DPYD: variants seen among roughly 807,000 people sequenced by gnomAD.
The protein encoded by DPYD is dihydropyrimidine dehydrogenase [NADP(+)].
A neutral mutation model predicts 116.2 loss-of-function variants in DPYD; 109 were observed. The ratio of observed to expected loss-of-function variants is 0.94; its 90% CI spans 0.80 to 1.10. DPYD has a LOEUF of 1.10. Among genes scored for constraint, DPYD ranks in the 50% least tolerant of loss-of-function variants. DPYD has a pLI of 0.00. For missense variants in DPYD, 1,302 were observed against 1,254.5 expected (o/e 1.04, Z -0.57); for synonymous variants, 440 against 432.0 (o/e 1.02, Z -0.23).
intron 8 of DPYD, among the ~76,000 whole-genome samples, chr1:97,676,754 C>A (rs1354551780): frequency 2.0e-5 from 3 of 152,170 alleles, no homozygotes; most frequent in African/African-American, 7.2e-5. Flanking sequence ...AATCGACACT[C>A]ATGAGTGTCA....
intron 13 of DPYD, among the ~76,000 whole-genome samples, chr1:97,465,581 G>A (rs1677273412): frequency 6.6e-6 from 1 of 152,154 alleles, no homozygotes; most frequent in Admixed American, 6.5e-5. Context: ...TTTATAAAAG[G>A]AGTTTTTCTG....
chr1:97,775,089 T>G (rs1666327574), intron 3 of DPYD: 1 of 162,318 alleles, frequency 6.2e-6, no homozygotes, highest in Admixed American at 6.4e-5. Context: ...TATCTACTAT[T>G]TTAAAAATAT....
intron 12 of DPYD, among the ~76,000 whole-genome samples, chr1:97,520,718 A>C (rs998940488): frequency 2.0e-5 from 3 of 151,540 alleles, no homozygotes; most frequent in Non-Finnish European, 4.4e-5. Context: ...AAGTGATAAT[A>C]TGTGGTGTTT....
At chr1:97,190,167 C>A (rs1413174775) in intron 20 of DPYD, among the ~76,000 whole-genome samples, 1 of 152,176 alleles carries the variant, frequency 6.6e-6, no homozygotes, top group Non-Finnish European at 1.5e-5. Flanking sequence ...TTTCCAACCT[C>A]TGGCCATTTG....
Position 97,595,093 on chromosome 1 carries a change from GT to G in DPYD, c.923del (p.Asp308AlafsTer6), listed in dbSNP as rs1426881532. 6.2e-7 allele frequency: 1 copy of G among 1,613,652 alleles called. No individual in the cohort carries two copies. Among genetic ancestry groups the G allele is most frequent in the Non-Finnish European group, 8.5e-7 (1 of 1,179,652 alleles). ...TQDQGFYTSKDFLPLVAKGSK... is the reference protein window; with the variant it reads ...TQDQGFYTSKXFLPLVAKGSK... ...TGCCTTTGGCTACAAGTGGCAAAAA[GT>G]CTTTGGATGTATAAAACCCCTGGTC... On this transcript the variant is annotated frameshift_variant, in exon 9 of 23. Coordinates refer to ENST00000370192, the MANE Select transcript of DPYD (RefSeq NM_000110.4). LOFTEE classifies it high-confidence loss of function.
intron 6 of DPYD, among the ~76,000 whole-genome samples, chr1:97,698,195 T>C (rs1277427270): frequency 1.3e-5 from 2 of 151,882 alleles, no homozygotes; most frequent in Non-Finnish European, 2.9e-5. Flanking sequence ...AATCAGGTTA[T>C]TTATGTTTCA....
intron 1 of DPYD, among the ~76,000 whole-genome samples, chr1:97,895,869 T>C (rs1483751693): frequency 6.6e-6 from 1 of 151,796 alleles, no homozygotes; most frequent in African/African-American, 2.4e-5. Flanking sequence ...ATTAGCTGTA[T>C]ATGCAGTATG....
chr1:97,656,554 A>T (rs1658913958), intron 8 of DPYD, among the ~76,000 whole-genome samples: 2 of 152,242 alleles, frequency 1.3e-5, no homozygotes, highest in Admixed American at 6.5e-5. Flanking sequence ...GGGTCTGCTA[A>T]GTCCAACCTC....
intron 18 of DPYD, among the ~76,000 whole-genome samples, chr1:97,287,640 C>A (rs988118636): frequency 4.6e-5 from 7 of 152,112 alleles, no homozygotes; most frequent in African/African-American, 1.4e-4. Context: ...ATGGCGAGCA[C>A]CCCTCCCCCA....
chr1:97,204,715 T>C (rs1019820313), intron 19 of DPYD, among the ~76,000 whole-genome samples: 2 of 152,108 alleles, frequency 1.3e-5, no homozygotes, highest in African/African-American at 4.8e-5. Context: ...CCTGTCTTTA[T>C]ATTGGAGGGA....
At chr1:97,240,382 T>C (rs150199716) in intron 18 of DPYD, among the ~76,000 whole-genome samples, 1 of 151,968 alleles carries the variant, frequency 6.6e-6, no homozygotes, top group East Asian at 1.9e-4. Context: ...AGCAAGAGAG[T>C]GTGGAACATA....
At chr1:97,397,123 T>C (rs781235379) in intron 14 of DPYD, among the ~76,000 whole-genome samples, 19 of 152,074 alleles carry the variant, frequency 1.2e-4, no homozygotes, top group Non-Finnish European at 2.6e-4. Context: ...AGATGGCTTA[T>C]TATTAATAAA....
chr1:97,329,175 T>C (rs1222476033), intron 16 of DPYD, among the ~76,000 whole-genome samples: 3 of 152,114 alleles, frequency 2.0e-5, no homozygotes, highest in Non-Finnish European at 1.5e-5. Flanking sequence ...TGAATAGAAA[T>C]GAGCATTACA....
At chr1:97,723,903 T>C (rs1663062415) in intron 4 of DPYD, among the ~76,000 whole-genome samples, 1 of 151,650 alleles carries the variant, frequency 6.6e-6, no homozygotes, top group African/African-American at 2.4e-5. Flanking sequence ...AATCGGTGAA[T>C]TGTATAAAAC....
At chr1:97,573,061 G>A (rs1403092834) in intron 11 of DPYD, among the ~76,000 whole-genome samples, 1 of 151,900 alleles carries the variant, frequency 6.6e-6, no homozygotes, top group Non-Finnish European at 1.5e-5. Context: ...GAATTAAAAG[G>A]TAAAAGGATT....
At chr1:97,694,994 C>T (rs1220473925) in intron 6 of DPYD, among the ~76,000 whole-genome samples, 1 of 152,114 alleles carries the variant, frequency 6.6e-6, no homozygotes, top group Non-Finnish European at 1.5e-5. Flanking sequence ...AGTTAACTTG[C>T]AGAACTACAG....
intron 13 of DPYD, among the ~76,000 whole-genome samples, chr1:97,458,680 A>G (rs1347167820): frequency 6.6e-6 from 1 of 152,156 alleles, no homozygotes; most frequent in African/African-American, 2.4e-5. Context: ...CTAGAAAATA[A>G]CTAGAGAGCA....
intron 20 of DPYD, among the ~76,000 whole-genome samples, chr1:97,154,700 C>A (rs1655308332): frequency 9.2e-6 from 1 of 108,322 alleles, no homozygotes; most frequent in South Asian, 3.3e-4. Context: ...AAGTGAGACT[C>A]CATCTCAAAA....
chr1:97,526,165 G>T (rs1471745449), intron 12 of DPYD, among the ~76,000 whole-genome samples: 2 of 152,060 alleles, frequency 1.3e-5, no homozygotes, highest in East Asian at 3.9e-4. Context: ...TAATGAATTG[G>T]CCTCAGATAC....
Sources: allele counts gnomAD v4.1 joint callset (sites outside exome capture counted in the v4.1 genomes callset), GRCh38; gene constraint gnomAD v4.1.1; transcripts MANE v1.5; gene names NCBI Gene and HGNC (gene_info 2026-07-23, HGNC 2026-07-21).